Variants in OTC observed in about 807,000 individuals in gnomAD.
The protein encoded by OTC is ornithine transcarbamylase, also known as ornithine transcarbamylase, mitochondrial.
A neutral mutation model predicts 30.3 loss-of-function variants in OTC; 3 were observed. That is an observed-to-expected ratio of 0.10 (90% CI 0.05 to 0.26). The LOEUF is 0.26. Among genes scored for constraint, OTC ranks in the 10% least tolerant of loss-of-function variants. The pLI, the probability that OTC is intolerant of heterozygous loss-of-function variation, is 1.00. For missense variants in OTC, 194 were observed against 260.3 expected (o/e 0.75, Z 1.75); for synonymous variants, 111 against 99.7 (o/e 1.11, Z -0.67).
chrX:38,374,804 C>T (rs916645933), intron 3 of OTC, among the ~76,000 whole-genome samples: 4 of 111,967 alleles, frequency 3.6e-5, no homozygotes, highest in Non-Finnish European at 1.9e-5. Flanking sequence ...GTACTAGGCA[C>T]TTAGTAGGTG....
intron 4 of OTC, among the ~76,000 whole-genome samples, chrX:38,385,846 G>A (rs1384999473): frequency 3.6e-5 from 4 of 112,050 alleles, no homozygotes; most frequent in African/African-American, 1.3e-4. Context: ...TGTAATCCCA[G>A]CACTTTGAGA....
At chrX:38,345,829 C>T in the OTC span, among the ~76,000 whole-genome samples, 1 of 111,236 alleles carries the variant, frequency 9.0e-6, no homozygotes, top group Non-Finnish European at 1.9e-5. Context: ...GCATGAGCCA[C>T]CGTGCCCGAC....
intron 1 of OTC, among the ~76,000 whole-genome samples, chrX:38,353,030 A>G (rs772707942): frequency 1.8e-5 from 2 of 112,026 alleles, no homozygotes; most frequent in Non-Finnish European, 3.8e-5. Context: ...GTTTGTGTAC[A>G]TTCTAAACGA....
chrX:38,410,233 C>T (rs749344200), intron 8 of OTC, among the ~76,000 whole-genome samples: 13 of 111,544 alleles, frequency 1.2e-4, no homozygotes, highest in Non-Finnish European at 2.1e-4. Context: ...AAAAATGCTG[C>T]AATGAACTTG....
chrX:38,383,505 A>G (rs2068386698), intron 4 of OTC, among the ~76,000 whole-genome samples: 1 of 112,248 alleles, frequency 8.9e-6, no homozygotes, highest in African/African-American at 3.2e-5. Flanking sequence ...AACAAGTTAT[A>G]GAAAATATTG....
At chrX:38,355,040 C>T (rs1298842864) in intron 1 of OTC, among the ~76,000 whole-genome samples, 2 of 111,576 alleles carry the variant, frequency 1.8e-5, no homozygotes, top group African/African-American at 3.3e-5. Context: ...ATGTAACATA[C>T]CACGTGAGTT....
the OTC span, among the ~76,000 whole-genome samples, chrX:38,346,546 C>T: frequency 8.9e-6 from 1 of 112,327 alleles, no homozygotes. Context: ...AAGCGGGAAA[C>T]AACTCAATTG....
chrX:38,401,458 G>A, intron 5 of OTC, 30 bp downstream of exon 5: 1 of 1,133,729 alleles, frequency 8.8e-7, no homozygotes, highest in Non-Finnish European at 1.2e-6. Flanking sequence ...TTACAAAAGA[G>A]CAAAATCAAA....
chrX:38,340,459 G>GTTTTTTTT, the OTC span, among the ~76,000 whole-genome samples: 108 of 60,405 alleles, frequency 1.8e-3, no homozygotes, highest in Admixed American at 2.4e-3. Flanking sequence ...TTGTTTTTTT[G>GTTTTTTTT]TTTTTTTTTT....
At position 38,411,962 on chromosome X, in the gene OTC, T is replaced by C. The variant is rs2068545965; in HGVS notation, c.968T>C (p.Val323Ala). 1 of 1,208,381 alleles carries C rather than the reference T, an allele frequency of 8.3e-7. No individual in the cohort carries two copies. Among genetic ancestry groups the C allele is most frequent in the Admixed American group, 2.2e-5 (1 of 45,756 alleles). ...GTCTTTTATTCTCCTCGATCACTAG[T>C]GTTCCCAGAGGCAGAAAACAGAAAG... ...DEVFYSPRSLVFPEAENRKWT... is the reference protein window; with the variant it reads ...DEVFYSPRSLAFPEAENRKWT... The change falls in exon 9 of 10, where the codon GTG (valine) becomes GCG (alanine). Residue 323 changes from valine (V) to alanine (A), a missense_variant. Physicochemically the swap from Val to Ala is moderately conservative, Grantham distance 64 (BLOSUM62 0). Transcript: ENST00000039007.
At chrX:38,368,900 T>A (rs145460746) in intron 2 of OTC, among the ~76,000 whole-genome samples, 3,080 of 107,879 alleles carry the variant, frequency 0.029, 50 homozygotes, top group Non-Finnish European at 0.047. Context: ...TGTTCCAGAA[T>A]TCCTTCTATC....
chrX:38,341,676 C>CTT, the OTC span, among the ~76,000 whole-genome samples: 1 of 111,833 alleles, frequency 8.9e-6, no homozygotes, highest in African/African-American at 3.2e-5. Context: ...TTTTGAAGTA[C>CTT]TTAACAGTCA....
upstream of OTC, among the ~76,000 whole-genome samples, chrX:38,348,619 C>G (rs1465203464): frequency 9.6e-6 from 1 of 103,871 alleles, no homozygotes; most frequent in African/African-American, 3.5e-5. Flanking sequence ...TCACTGCAAG[C>G]TCCGCCTCCT....
chrX:38,390,159 T>C (rs2068423160), intron 4 of OTC, among the ~76,000 whole-genome samples: 1 of 112,541 alleles, frequency 8.9e-6, no homozygotes. Context: ...CATTAATAAA[T>C]TGAATATGGC....
At chrX:38,405,569 C>T (rs949347966) in intron 6 of OTC, among the ~76,000 whole-genome samples, 1 of 110,976 alleles carries the variant, frequency 9.0e-6, no homozygotes, top group African/African-American at 3.3e-5. Flanking sequence ...TCTATTTCCA[C>T]ATAAGGTCAC....
chrX:38,380,180 C>T, intron 3 of OTC, among the ~76,000 whole-genome samples: 1 of 111,843 alleles, frequency 8.9e-6, no homozygotes, highest in Non-Finnish European at 1.9e-5. Flanking sequence ...CATATTCAAA[C>T]TGTGTTAAGG....
intron 9 of OTC, among the ~76,000 whole-genome samples, chrX:38,412,618 C>T (rs936829523): frequency 8.9e-6 from 1 of 111,821 alleles, no homozygotes; most frequent in African/African-American, 3.3e-5. Context: ...TTACAATATC[C>T]CAAATGTCAC....
At chrX:38,367,006 C>T (rs532108582) in intron 1 of OTC, among the ~76,000 whole-genome samples, 37 of 110,098 alleles carry the variant, frequency 3.4e-4, no homozygotes, top group African/African-American at 1.2e-3. Flanking sequence ...GGAGAAACCC[C>T]GTCTCTAGTA....
At chrX:38,355,140 C>T (rs2068234122) in intron 1 of OTC, among the ~76,000 whole-genome samples, 1 of 111,673 alleles carries the variant, frequency 9.0e-6, no homozygotes, top group African/African-American at 3.3e-5. Context: ...GGTCATATCG[C>T]CATGGACATG....
Sources: gnomAD v4.1 joint callset for allele counts (sites outside exome capture counted in the v4.1 genomes callset) on GRCh38, gnomAD v4.1.1 for gene constraint, MANE v1.5 for transcripts, NCBI Gene and HGNC (gene_info 2026-07-23, HGNC 2026-07-21) for gene names.